NBEA: variants seen among roughly 807,000 people sequenced by gnomAD.
NBEA encodes neurobeachin, also known as lysosomal-trafficking regulator 2.
In NBEA, 44 loss-of-function variants were observed where a neutral mutation model predicts 343.4. The ratio of observed to expected loss-of-function variants is 0.13; its 90% CI spans 0.10 to 0.16. The LOEUF is 0.16. NBEA is among the 10% of genes least tolerant of loss of function. NBEA has a pLI of 1.00. For missense variants in NBEA, 2,555 were observed against 3,631.3 expected (o/e 0.70, Z 7.62); for synonymous variants, 1,175 against 1,238.7 (o/e 0.95, Z 1.08).
intron 31 of NBEA, among the ~76,000 whole-genome samples, chr13:35,207,639 CAA>C (rs1319853866): frequency 6.6e-6 from 1 of 152,048 alleles, no homozygotes; most frequent in Non-Finnish European, 1.5e-5. Flanking sequence ...AACCTTAACA[CAA>C]TGTCAAATTC....
intron 34 of NBEA, among the ~76,000 whole-genome samples, chr13:35,252,461 G>C (rs1242283946): frequency 6.6e-6 from 1 of 152,184 alleles, no homozygotes; most frequent in African/African-American, 2.4e-5. Flanking sequence ...ATGCAGACTG[G>C]CTTTAAGCCC....
At chr13:35,306,708 T>A (rs902008850) in intron 35 of NBEA, among the ~76,000 whole-genome samples, 14 of 152,088 alleles carry the variant, frequency 9.2e-5, no homozygotes, top group African/African-American at 3.4e-4. Context: ...TTTCTCTTTC[T>A]GTTTTCCTGA....
At chr13:34,977,431 C>T (rs1336944795) in intron 1 of NBEA, among the ~76,000 whole-genome samples, 1 of 151,810 alleles carries the variant, frequency 6.6e-6, no homozygotes, top group African/African-American at 2.4e-5. Context: ...GCCTCAGCGT[C>T]TTGAGTAGCT....
At chr13:35,584,162 T>C (rs1047258380) in intron 46 of NBEA, 124 bp downstream of exon 46, 47 of 1,049,566 alleles carry the variant, frequency 4.5e-5, no homozygotes, top group Non-Finnish European at 6.3e-5. Context: ...AAGTAGAAAT[T>C]AAAGATTTCA....
intron 34 of NBEA, among the ~76,000 whole-genome samples, chr13:35,290,089 G>T (rs1040280223): frequency 6.6e-6 from 1 of 151,518 alleles, no homozygotes; most frequent in African/African-American, 2.4e-5. Flanking sequence ...TTAAATGTAA[G>T]AAATGCCTCA....
At position 34,999,536 on chromosome 13, in the gene NBEA, A is replaced by G. The variant is rs146379898; in HGVS notation, c.295-41397A>G. On this transcript the variant is annotated intron_variant, in intron 1 of 58. Transcript: ENST00000379939. ...CACCTTCTTTCAGCAGAGTGTTCTC[A>G]CTTTGAAATCTGTGTAATACCTGCT... Among the ~76,000 whole-genome samples the G allele has an allele frequency of 2.2e-3, 328 of 152,244 alleles. 1 individual carries two copies. Among genetic ancestry groups the G allele is most frequent in the Non-Finnish European group, 3.6e-3 (244 of 68,008 alleles).
rs9542883 is a variant in NBEA at position 34,985,914 on chromosome 13, A to T, written c.294+42800A>T. Among the ~76,000 whole-genome samples, 761 of 146,432 alleles carry T rather than the reference A, an allele frequency of 5.2e-3. 43 individuals are homozygous for T. Among genetic ancestry groups the T allele is most frequent in the Non-Finnish European group, 9.1e-3 (601 of 65,716 alleles). On this transcript the variant is annotated intron_variant, in intron 1 of 58. Transcript: ENST00000379939. Reference sequence around the variant, plus strand: ...TACTATTTTTTATTGCATTTATTTGATTCTCCTCTCTTTTCTTCTTTATTA... The same window carrying T: ...TACTATTTTTTATTGCATTTATTTGTTTCTCCTCTCTTTTCTTCTTTATTA...
At chr13:35,353,651 G>A (rs894037336) in intron 38 of NBEA, among the ~76,000 whole-genome samples, 1 of 152,008 alleles carries the variant, frequency 6.6e-6, no homozygotes, top group Non-Finnish European at 1.5e-5. Flanking sequence ...ATTATTTGTT[G>A]TGTGCGAGGG....
intron 41 of NBEA, among the ~76,000 whole-genome samples, chr13:35,535,834 A>G (rs1480047758): frequency 6.6e-6 from 1 of 152,196 alleles, no homozygotes; most frequent in Non-Finnish European, 1.5e-5. Flanking sequence ...TTAGTCTACA[A>G]AACTAAGTGC....
chr13:35,483,743 G>T (rs1268507245), intron 41 of NBEA, among the ~76,000 whole-genome samples: 1 of 151,774 alleles, frequency 6.6e-6, no homozygotes, highest in Admixed American at 6.6e-5. Context: ...TTAATGTTAT[G>T]CATGCTTACA....
chr13:35,329,780 C>T (rs1335130740), intron 36 of NBEA, among the ~76,000 whole-genome samples: 1 of 122,144 alleles, frequency 8.2e-6, no homozygotes, highest in African/African-American at 4.8e-5. Context: ...AATTAAACTG[C>T]ATTTTAAAGG....
chr13:35,116,873 C>G (rs549544033), intron 13 of NBEA, among the ~76,000 whole-genome samples: 10 of 151,902 alleles, frequency 6.6e-5, no homozygotes, highest in Non-Finnish European at 1.5e-4. Flanking sequence ...ATTTTATACT[C>G]ATTTTCACTT....
chr13:35,268,516 C>T (rs187508961), intron 34 of NBEA, among the ~76,000 whole-genome samples: 16 of 151,968 alleles, frequency 1.1e-4, no homozygotes, highest in Admixed American at 5.3e-4. Context: ...TGTTTTATGT[C>T]CTGTACCACA....
At chr13:35,570,699 T>C (rs2080365480) in intron 45 of NBEA, among the ~76,000 whole-genome samples, 1 of 152,234 alleles carries the variant, frequency 6.6e-6, no homozygotes, top group Non-Finnish European at 1.5e-5. Context: ...ATTGTTCCCA[T>C]GCTTCATTGA....
intron 30 of NBEA, among the ~76,000 whole-genome samples, chr13:35,190,861 C>T (rs978878329): frequency 3.9e-5 from 6 of 152,024 alleles, no homozygotes; most frequent in Non-Finnish European, 8.8e-5. Flanking sequence ...TACATATGCT[C>T]AAGTAATTAC....
intron 39 of NBEA, among the ~76,000 whole-genome samples, chr13:35,446,302 C>A (rs981993897): frequency 2.0e-5 from 3 of 152,090 alleles, no homozygotes; most frequent in African/African-American, 7.2e-5. Flanking sequence ...TTTATAGCAG[C>A]ATGATTTATA....
At chr13:35,153,846 T>G (rs1566372766) in intron 18 of NBEA, among the ~76,000 whole-genome samples, 1 of 152,194 alleles carries the variant, frequency 6.6e-6, no homozygotes. Flanking sequence ...AACCACAATT[T>G]TCTTGGATCT....
Position 35,628,165 on chromosome 13 carries a change from G to A in NBEA, c.7534G>A (p.Val2512Ile). The change falls in exon 49 of 59, where the codon GTT becomes ATT. Residue 2512 changes from valine to isoleucine, a missense_variant. Physicochemically the swap from Val to Ile is conservative, Grantham distance 29 (BLOSUM62 3). Coordinates refer to ENST00000379939, the MANE Select transcript of NBEA (RefSeq NM_001385012.1). Reference sequence around the variant, plus strand: ...CTATAAGCAGCGAGGACCAGAAGCAGTTCGTGCTCTGAATGTTTTTCACTA... The same window carrying A: ...CTATAAGCAGCGAGGACCAGAAGCAATTCGTGCTCTGAATGTTTTTCACTA... ...FGYKQRGPEA[V>I]RALNVFHYLT... is the part of the protein sequence containing the mutation. 1 of 1,613,338 alleles carries A rather than the reference G, an allele frequency of 6.2e-7. No individual in the cohort carries two copies. Among genetic ancestry groups the A allele is most frequent in the Middle Eastern group, 1.7e-4 (1 of 6,060 alleles).
chr13:35,111,650 A>G (rs2066213583), intron 13 of NBEA, among the ~76,000 whole-genome samples: 1 of 152,002 alleles, frequency 6.6e-6, no homozygotes, highest in Non-Finnish European at 1.5e-5. Flanking sequence ...AAGGGGATGT[A>G]CCATTTACAT....
Sources: allele counts gnomAD v4.1 joint callset (sites outside exome capture counted in the v4.1 genomes callset), GRCh38; gene constraint gnomAD v4.1.1; transcripts MANE v1.5; gene names NCBI Gene and HGNC (gene_info 2026-07-23, HGNC 2026-07-21).